The following TMCC3 variants were observed in gnomAD, a reference collection of about 807,000 sequenced individuals.
TMCC3 encodes the protein transmembrane and coiled-coil domain protein 3.
Under a neutral mutation model 40.2 loss-of-function variants are expected in TMCC3, and 28 were observed. That is an observed-to-expected ratio of 0.70 (90% confidence interval 0.52 to 0.95). The LOEUF is 0.95. TMCC3 is among the 40% of genes least tolerant of loss of function. The pLI is 0.00. For missense variants in TMCC3, 554 were observed against 615.2 expected (o/e 0.90, Z 1.05); for synonymous variants, 255 against 248.5 (o/e 1.03, Z -0.25).
intron 1 of TMCC3, among the ~76,000 whole-genome samples, chr12:94,640,778 G>T (rs2068986018): frequency 6.6e-6 from 1 of 152,196 alleles, no homozygotes; most frequent in Non-Finnish European, 1.5e-5. Context: ...AAGTGAAAGA[G>T]CTGACGTTCA....
chr12:94,571,286 T>G lies in TMCC3; in HGVS notation c.*149A>C. On this transcript the variant is annotated 3_prime_UTR_variant, in exon 4 of 4. Coordinates refer to ENST00000261226, the MANE Select transcript of TMCC3 (RefSeq NM_020698.4). ...GACTGAGTTGGCAACTGCTACGGAG[T>G]TAAGAGAATTGTAGTTATTTACACC... The G allele has an allele frequency of 1.3e-6, 1 of 795,238 alleles. No homozygotes were observed. The highest frequency in any genetic ancestry group is 2.0e-6 in the Non-Finnish European group (1 of 511,036). 49.3% of individuals were successfully genotyped at this position (795,238 alleles called of 1,614,324 possible).
chr12:94,627,815 T>A (rs746461353), intron 1 of TMCC3, among the ~76,000 whole-genome samples: 3 of 152,260 alleles, frequency 2.0e-5, no homozygotes, highest in Non-Finnish European at 4.4e-5. Context: ...ATTGCACTTA[T>A]CCACATTTAA....
chr12:94,591,153 C>G (rs11107615), intron 1 of TMCC3: 242,438 of 375,882 alleles, frequency 0.64, 78,503 homozygotes, highest in Admixed American at 0.7. Flanking sequence ...ATGGAAAATA[C>G]GAGACTTCGT....
At position 94,571,632 on chromosome 12, in the gene TMCC3, TC is replaced by T. The variant is rs1277910490; in HGVS notation, c.1236del (p.Arg413GlyfsTer5). The stretch of plus-strand genomic sequence containing the variant: ...AAGGCCAGGATCACGTTGATGCACC[TC>T]CCCAGGAGAACTTTAGCATTCACGG... The part of the protein sequence containing the change: ...TDTVNAKVLL[G>X]RCINVILAFM... On this transcript the variant is annotated frameshift_variant, in exon 4 of 4. Coordinates refer to ENST00000261226, the MANE Select transcript of TMCC3 (RefSeq NM_020698.4). LOFTEE classifies it high-confidence loss of function. 1 of 1,614,030 alleles carries T rather than the reference TC, an allele frequency of 6.2e-7. No homozygotes were observed. Among genetic ancestry groups the T allele is most frequent in the Non-Finnish European group, 8.5e-7 (1 of 1,180,032 alleles).
intron 1 of TMCC3, among the ~76,000 whole-genome samples, chr12:94,649,929 G>A (rs1380161262): frequency 6.6e-6 from 1 of 152,168 alleles, no homozygotes; most frequent in African/African-American, 2.4e-5. Flanking sequence ...AGGGAGACAG[G>A]GCGGCCGCCG....
chr12:94,622,356 T>A (rs1415436428), intron 1 of TMCC3, among the ~76,000 whole-genome samples: 2 of 149,498 alleles, frequency 1.3e-5, no homozygotes, highest in Non-Finnish European at 2.9e-5. Context: ...ACAGCTATAA[T>A]CAGTTCCACA....
intron 1 of TMCC3, among the ~76,000 whole-genome samples, chr12:94,649,289 G>C (rs571987517): frequency 6.6e-6 from 1 of 152,302 alleles, no homozygotes; most frequent in East Asian, 1.9e-4. Context: ...TGCACAAAGG[G>C]CCGCGACACA....
At chr12:94,590,738 C>G in intron 1 of TMCC3, 1 of 363,982 alleles carries the variant, frequency 2.7e-6, no homozygotes, top group Non-Finnish European at 5.4e-6. Context: ...CAGAAACAAG[C>G]GGGGTTGTGT....
chr12:94,593,963 A>C (rs11107617), intron 1 of TMCC3, among the ~76,000 whole-genome samples: 54,271 of 151,648 alleles, frequency 0.36, 9,921 homozygotes, highest in Admixed American at 0.44. Context: ...AAATAGACCA[A>C]CCTTACATGA....
chr12:94,630,192 T>C (rs1292372048), intron 1 of TMCC3, among the ~76,000 whole-genome samples: 1 of 150,964 alleles, frequency 6.6e-6, no homozygotes, highest in African/African-American at 2.4e-5. Context: ...GAGGTGGAGG[T>C]TGCAGTGAGC....
chr12:94,620,651 C>A (rs575937536), intron 1 of TMCC3, among the ~76,000 whole-genome samples: 1 of 151,712 alleles, frequency 6.6e-6, no homozygotes, highest in Non-Finnish European at 1.5e-5. Flanking sequence ...AAAATGTGAA[C>A]CTTTATCATT....
chr12:94,581,566 T>C, intron 2 of TMCC3, 56 bp downstream of exon 2: 1 of 1,148,650 alleles, frequency 8.7e-7, no homozygotes, highest in Non-Finnish European at 1.1e-6. Flanking sequence ...TAACATAAAA[T>C]AAAAAAATAA....
chr12:94,591,343 C>T (rs2068673920), intron 1 of TMCC3, among the ~76,000 whole-genome samples: 1 of 151,988 alleles, frequency 6.6e-6, no homozygotes, highest in Non-Finnish European at 1.5e-5. Context: ...ATATGACCAC[C>T]AAGATGCAGA....
At chr12:94,594,383 G>A (rs538649539) in intron 1 of TMCC3, among the ~76,000 whole-genome samples, 5 of 152,136 alleles carry the variant, frequency 3.3e-5, no homozygotes, top group South Asian at 2.1e-4. Flanking sequence ...ATGAGCCACC[G>A]TGTCTGGCAG....
intron 1 of TMCC3, among the ~76,000 whole-genome samples, chr12:94,642,891 A>G (rs1430727534): frequency 1.3e-5 from 2 of 152,066 alleles, no homozygotes; most frequent in African/African-American, 4.8e-5. Context: ...GCGGCAGGGT[A>G]CACTATAGAA....
chr12:94,574,265 G>A (rs2068550135), intron 3 of TMCC3, among the ~76,000 whole-genome samples: 1 of 152,060 alleles, frequency 6.6e-6, no homozygotes, highest in Non-Finnish European at 1.5e-5. Context: ...GCATGCACCT[G>A]TAATACCAGC....
At chr12:94,580,417 G>A (rs1379810666) in intron 2 of TMCC3, among the ~76,000 whole-genome samples, 2 of 152,096 alleles carry the variant, frequency 1.3e-5, no homozygotes, top group Admixed American at 1.3e-4. Context: ...AAAGTTTAAT[G>A]AGCAAACTAC....
intron 1 of TMCC3, among the ~76,000 whole-genome samples, chr12:94,631,409 C>G (rs866807358): frequency 6.6e-6 from 1 of 152,124 alleles, no homozygotes; most frequent in Non-Finnish European, 1.5e-5. Flanking sequence ...AGGGTGGGCC[C>G]TAATGCCATT....
At chr12:94,595,035 C>T (rs891314945) in intron 1 of TMCC3, among the ~76,000 whole-genome samples, 24 of 152,140 alleles carry the variant, frequency 1.6e-4, no homozygotes, top group African/African-American at 5.8e-4. Flanking sequence ...CAAGGGTGTG[C>T]AGTGTTATCT....
Sources: allele counts gnomAD v4.1 joint callset (sites outside exome capture counted in the v4.1 genomes callset), GRCh38; gene constraint gnomAD v4.1.1; transcripts MANE v1.5; gene names NCBI Gene and HGNC (gene_info 2026-07-23, HGNC 2026-07-21).